Variants in ADAM10 observed in about 807,000 individuals in gnomAD.
The protein encoded by ADAM10 is disintegrin and metalloproteinase domain-containing protein 10.
ADAM10 carries 17 observed loss-of-function variants against 90.1 expected under a neutral mutation model. The observed-to-expected ratio is 0.19, with a 90% confidence interval of 0.13 to 0.28. ADAM10 has a LOEUF of 0.28. Among genes scored for constraint, ADAM10 ranks in the 10% least tolerant of loss-of-function variants. The pLI, the probability that ADAM10 is intolerant of heterozygous loss-of-function variation, is 1.00. For synonymous variants in ADAM10, 310 were observed against 298.6 expected (o/e 1.04, Z -0.40); for missense variants, 610 against 914.3 (o/e 0.67, Z 4.29).
intron 1 of ADAM10, among the ~76,000 whole-genome samples, chr15:58,740,588 A>G (rs1381842731): frequency 6.6e-6 from 1 of 152,158 alleles, no homozygotes; most frequent in African/African-American, 2.4e-5. Flanking sequence ...TTTTTGGCAT[A>G]GAAACAGGGT....
At chr15:58,714,817 A>T (rs1442327892) in intron 2 of ADAM10, among the ~76,000 whole-genome samples, 1 of 152,182 alleles carries the variant, frequency 6.6e-6, no homozygotes, top group Non-Finnish European at 1.5e-5. Context: ...GAGGAGTTAC[A>T]GTGTACCAAG....
At position 58,592,406 on chromosome 15, in the gene ADAM10, C is replaced by T. The variant is rs1258718961; in HGVS notation, c.*5141G>A. The T allele has an allele frequency of 6.6e-6, 1 of 152,190 alleles. No individual in the cohort carries two copies. Among genetic ancestry groups the T allele is most frequent in the African/African-American group, 2.4e-5 (1 of 41,446 alleles). The allele number at this position is 152,190 out of a possible 1,614,324, so 9.4% of individuals were successfully genotyped here. On this transcript the variant is annotated 3_prime_UTR_variant, in exon 16 of 16. Transcript: ENST00000260408. ...TAAATACAATACTATGAGTTTCAAT[C>T]TCTTGCAGATATTATCCTTGCTGAT...
At position 58,596,574 on chromosome 15, in the gene ADAM10, AT is replaced by A. The variant is rs1291376817; in HGVS notation, c.*972del. 1 of 152,684 alleles carries A rather than the reference AT, an allele frequency of 6.5e-6. No individual in the cohort carries two copies. The highest frequency in any genetic ancestry group is 1.5e-5 in the Non-Finnish European group (1 of 68,044). The allele number at this position is 152,684 out of a possible 1,614,324, so 9.5% of individuals were successfully genotyped here. A position where few individuals can be genotyped will look rare whatever the true frequency, so the allele number is the denominator to read the frequency against. The stretch of plus-strand genomic sequence containing the variant: ...ATCAGACAGAAAACATAATTAGCAT[AT>A]TTCAGATATATGAAAAACACAAATA... On this transcript the variant is annotated 3_prime_UTR_variant, in exon 16 of 16. Coordinates refer to ENST00000260408, the MANE Select transcript of ADAM10 (RefSeq NM_001110.4).
chr15:58,604,263 A>C (rs1327285207), intron 14 of ADAM10, among the ~76,000 whole-genome samples: 1 of 152,208 alleles, frequency 6.6e-6, no homozygotes, highest in African/African-American at 2.4e-5. Flanking sequence ...CAGGAGGCTG[A>C]GACAGGAGAA....
At chr15:58,632,338 GGATA>G (rs753842635) in intron 9 of ADAM10, among the ~76,000 whole-genome samples, 22 of 152,258 alleles carry the variant, frequency 1.4e-4, no homozygotes, top group Admixed American at 7.2e-4. Flanking sequence ...AAATACGTAA[GGATA>G]GATAGAGTTC....
chr15:58,655,695 A>ATATACTATATATCAT (rs1896795736), intron 5 of ADAM10, among the ~76,000 whole-genome samples: 1 of 68,578 alleles, frequency 1.5e-5, no homozygotes, highest in African/African-American at 1.0e-4. Context: ...TATTATATAT[A>ATATACTATATATCAT]GTATATATAT....
At position 58,627,464 on chromosome 15, in the gene ADAM10, C is replaced by T. The variant is rs1353123464; in HGVS notation, c.1360+236G>A. ...ATATTGAACTCTAGTTAATGATTTG[C>T]AGACTAAAATGTTTAGGTGTGAAGT... is the stretch of plus-strand genomic sequence containing the variant. On this transcript the variant is annotated intron_variant, in intron 10 of 15. Transcript: ENST00000260408. Among the ~76,000 whole-genome samples the T allele has an allele frequency of 2.6e-5, 4 of 152,106 alleles. No homozygotes were observed. The East Asian group carries it at 7.7e-4, about 29-fold the overall frequency.
intron 5 of ADAM10, among the ~76,000 whole-genome samples, chr15:58,652,315 T>C (rs1896708693): frequency 6.6e-6 from 1 of 152,196 alleles, no homozygotes; most frequent in African/African-American, 2.4e-5. Flanking sequence ...CAAGAAATTT[T>C]TGTCCACATG....
At chr15:58,605,327 C>T (rs1895238514) in intron 14 of ADAM10, among the ~76,000 whole-genome samples, 1 of 152,108 alleles carries the variant, frequency 6.6e-6, no homozygotes, top group Non-Finnish European at 1.5e-5. Flanking sequence ...ATGATAGTAG[C>T]TTTTGTGAAT....
chr15:58,706,303 G>A (rs1006651211), intron 2 of ADAM10, among the ~76,000 whole-genome samples: 1 of 152,154 alleles, frequency 6.6e-6, no homozygotes, highest in Non-Finnish European at 1.5e-5. Context: ...GTGTGTTCAT[G>A]AATAGAGTTC....
intron 1 of ADAM10, among the ~76,000 whole-genome samples, chr15:58,720,047 G>T (rs193188379): frequency 1.2e-3 from 180 of 152,194 alleles, no homozygotes; most frequent in Middle Eastern, 3.4e-3. Context: ...AAACAAAACT[G>T]GGTTGAATTC....
intron 9 of ADAM10, among the ~76,000 whole-genome samples, chr15:58,632,660 T>C (rs1197167252): frequency 5.9e-5 from 9 of 152,222 alleles, no homozygotes; most frequent in African/African-American, 1.7e-4. Context: ...CTTTTGTGTA[T>C]GTTAGAATTT....
chr15:58,738,853 T>C (rs929834424), intron 1 of ADAM10, among the ~76,000 whole-genome samples: 13 of 152,204 alleles, frequency 8.5e-5, no homozygotes, highest in African/African-American at 3.1e-4. Flanking sequence ...ATTGAATCTT[T>C]TATACAATTT....
intron 2 of ADAM10, among the ~76,000 whole-genome samples, chr15:58,701,110 A>T (rs1392111903): frequency 6.6e-6 from 1 of 151,992 alleles, no homozygotes; most frequent in Non-Finnish European, 1.5e-5. Flanking sequence ...TTTTGAAAAG[A>T]TAAATAAAAT....
At chr15:58,734,789 C>T (rs545142085) in intron 1 of ADAM10, among the ~76,000 whole-genome samples, 260 of 151,718 alleles carry the variant, frequency 1.7e-3, no homozygotes, top group African/African-American at 5.9e-3. Context: ...CTGACGTCTA[C>T]CTCTAAGATG....
intron 4 of ADAM10, among the ~76,000 whole-genome samples, chr15:58,667,827 T>C (rs1177392218): frequency 6.6e-6 from 1 of 151,896 alleles, no homozygotes; most frequent in African/African-American, 2.4e-5. Flanking sequence ...ATGTTCTTCC[T>C]CCTAATTCCA....
At chr15:58,651,117 A>G (rs1896675843) in intron 5 of ADAM10, among the ~76,000 whole-genome samples, 1 of 151,864 alleles carries the variant, frequency 6.6e-6, no homozygotes, top group Non-Finnish European at 1.5e-5. Flanking sequence ...TTGTTTTTAA[A>G]TTTTGTGAAT....
At chr15:58,740,108 G>C (rs1476383301) in intron 1 of ADAM10, among the ~76,000 whole-genome samples, 2 of 151,648 alleles carry the variant, frequency 1.3e-5, no homozygotes, top group Non-Finnish European at 2.9e-5. Context: ...TATAAAGCTT[G>C]AAATAAAGAA....
chr15:58,677,880 G>C (rs1442209666), intron 4 of ADAM10, among the ~76,000 whole-genome samples: 4 of 152,086 alleles, frequency 2.6e-5, no homozygotes, highest in African/African-American at 9.7e-5. Context: ...TATACCTGAA[G>C]AACTTACATA....
Sources: gnomAD v4.1 joint callset for allele counts (sites outside exome capture counted in the v4.1 genomes callset) on GRCh38, gnomAD v4.1.1 for gene constraint, MANE v1.5 for transcripts, NCBI Gene and HGNC (gene_info 2026-07-23, HGNC 2026-07-21) for gene names.